The following MECOM variants were observed in gnomAD, a reference collection of about 807,000 sequenced individuals.
The protein encoded by MECOM is MDS1 and EVI1 complex locus.
MECOM carries 13 observed loss-of-function variants against 116.3 expected under a neutral mutation model. The observed-to-expected ratio is 0.11, with a 90% CI of 0.07 to 0.18. The LOEUF is 0.18. MECOM is among the 10% of genes least tolerant of loss of function. MECOM has a pLI of 1.00. For missense variants in MECOM, 1,299 were observed against 1,509.0 expected (o/e 0.86, Z 2.31); for synonymous variants, 528 against 535.2 (o/e 0.99, Z 0.19).
intron 2 of MECOM, among the ~76,000 whole-genome samples, chr3:169,355,130 G>A (rs999725402): frequency 6.6e-6 from 1 of 151,976 alleles, no homozygotes. Context: ...GATCTGAGCA[G>A]ACAGATGAAA....
chr3:169,249,707 A>G (rs1253731254), intron 2 of MECOM, among the ~76,000 whole-genome samples: 1 of 152,238 alleles, frequency 6.6e-6, no homozygotes, highest in East Asian at 1.9e-4. Context: ...CTTAGAACAC[A>G]GTTTAAAGCC....
chr3:169,366,743 C>A (rs1408940632), intron 2 of MECOM, among the ~76,000 whole-genome samples: 1 of 151,990 alleles, frequency 6.6e-6, no homozygotes, highest in Non-Finnish European at 1.5e-5. Flanking sequence ...GGCTGCCAAC[C>A]AGTGAGGTTT....
chr3:169,456,629 A>G (rs1483120236), intron 1 of MECOM, among the ~76,000 whole-genome samples: 1 of 152,130 alleles, frequency 6.6e-6, no homozygotes. Context: ...CTGCTGAATC[A>G]GAGTCTGCAT....
chr3:169,398,273 C>G (rs1735312527), intron 1 of MECOM, among the ~76,000 whole-genome samples: 2 of 152,128 alleles, frequency 1.3e-5, no homozygotes, highest in Admixed American at 6.6e-5. Context: ...TTAGTGCTCT[C>G]TCTATGGATT....
intron 1 of MECOM, among the ~76,000 whole-genome samples, chr3:169,396,545 T>G (rs1213227376): frequency 6.6e-6 from 1 of 152,256 alleles, no homozygotes; most frequent in African/African-American, 2.4e-5. Flanking sequence ...AACATATTAG[T>G]AAAATTAATT....
intron 1 of MECOM, among the ~76,000 whole-genome samples, chr3:169,633,915 A>C (rs201989129): frequency 1.4e-5 from 2 of 143,540 alleles, no homozygotes; most frequent in African/African-American, 5.1e-5. Flanking sequence ...AAAAAAAAAA[A>C]AAACAAAAAA....
At chr3:169,638,436 C>G (rs1031646087) in intron 1 of MECOM, among the ~76,000 whole-genome samples, 1 of 152,140 alleles carries the variant, frequency 6.6e-6, no homozygotes, top group Admixed American at 6.5e-5. Flanking sequence ...TACCATGCAC[C>G]ATGACCCTGA....
chr3:169,241,108 C>T (rs1371956748), intron 2 of MECOM, among the ~76,000 whole-genome samples: 1 of 152,148 alleles, frequency 6.6e-6, no homozygotes, highest in East Asian at 1.9e-4. Context: ...CCACAACTAC[C>T]TTTACCCTAT....
intron 1 of MECOM, among the ~76,000 whole-genome samples, chr3:169,557,564 T>C (rs1762184436): frequency 6.6e-6 from 1 of 152,212 alleles, no homozygotes; most frequent in African/African-American, 2.4e-5. Flanking sequence ...GCAGATGATA[T>C]TTCATCTTAA....
intron 1 of MECOM, among the ~76,000 whole-genome samples, chr3:169,597,823 T>C (rs995935026): frequency 4.6e-5 from 7 of 152,190 alleles, no homozygotes; most frequent in South Asian, 2.1e-4. Context: ...CCCAGAATAA[T>C]GAAATAGGAG....
intron 2 of MECOM, among the ~76,000 whole-genome samples, chr3:169,355,600 G>T (rs953587846): frequency 6.6e-6 from 1 of 151,866 alleles, no homozygotes. Flanking sequence ...GTCTTCTTTG[G>T]TTTAAAAGAT....
At chr3:169,379,000 A>C (rs527987683) in intron 2 of MECOM, among the ~76,000 whole-genome samples, 2 of 152,054 alleles carry the variant, frequency 1.3e-5, no homozygotes, top group East Asian at 3.9e-4. Context: ...GTTAATCACA[A>C]TTATCTCTAA....
chr3:169,209,134 C>T (rs1292323197), intron 2 of MECOM, among the ~76,000 whole-genome samples: 2 of 152,194 alleles, frequency 1.3e-5, no homozygotes, highest in Admixed American at 6.5e-5. Context: ...GAAAATCTGG[C>T]TAGCCATGTG....
intron 4 of MECOM, 59 bp from the exon 5 acceptor site, chr3:169,128,119 C>A (rs1283670678): frequency 6.9e-7 from 1 of 1,448,874 alleles, no homozygotes; most frequent in Middle Eastern, 1.8e-4. Flanking sequence ...CACAAACCAG[C>A]CAATCTTACC....
At chr3:169,324,877 C>T (rs1441018823) in intron 2 of MECOM, among the ~76,000 whole-genome samples, 1 of 152,154 alleles carries the variant, frequency 6.6e-6, no homozygotes, top group Non-Finnish European at 1.5e-5. Flanking sequence ...CTCTTCCCTA[C>T]CACCCCCCTC....
chr3:169,267,863 A>T (rs919317829), intron 2 of MECOM, among the ~76,000 whole-genome samples: 12 of 152,178 alleles, frequency 7.9e-5, no homozygotes, highest in Admixed American at 7.9e-4. Context: ...GAGATGCAGG[A>T]AAAGGAAGAG....
rs1165036162 is a variant in MECOM, at chr3:169,588,280, G to A, written c.37+75056C>T. Among the ~76,000 whole-genome samples the A allele has an allele frequency of 3.9e-5, 6 of 152,254 alleles. No homozygotes were observed. In the South Asian group the frequency reaches 8.3e-4, roughly 21 times the overall value. ...AGATGATGACTTCCCCAAGGCTGCC[G>A]TGACTTATATACCTTTCTTTGGCAA... On this transcript the variant is annotated intron_variant, in intron 1 of 16. Transcript: ENST00000651503.
chr3:169,214,933 C>T (rs1751235301), intron 2 of MECOM, among the ~76,000 whole-genome samples: 2 of 147,948 alleles, frequency 1.4e-5, no homozygotes, highest in South Asian at 4.2e-4. Flanking sequence ...TATATACACA[C>T]ATATATATAA....
At chr3:169,212,367 T>A (rs974562318) in intron 2 of MECOM, among the ~76,000 whole-genome samples, 4 of 151,324 alleles carry the variant, frequency 2.6e-5, no homozygotes, top group African/African-American at 9.7e-5. Context: ...CTTTATACCA[T>A]GACCTGAATA....
Sources: allele counts gnomAD v4.1 joint callset (sites outside exome capture counted in the v4.1 genomes callset), GRCh38; gene constraint gnomAD v4.1.1; transcripts MANE v1.5; gene names NCBI Gene and HGNC (gene_info 2026-07-23, HGNC 2026-07-21).